The following CNTNAP5 variants were observed in gnomAD, a reference collection of about 807,000 sequenced individuals.
CNTNAP5 encodes the protein contactin-associated protein-like 5.
CNTNAP5 carries 72 observed loss-of-function variants against 150.2 expected under a neutral mutation model. That is an observed-to-expected ratio of 0.48 (90% CI 0.40 to 0.58). The LOEUF (loss-of-function observed/expected upper bound fraction) is 0.58, where lower values mean the gene tolerates loss of function less well. Ranked by LOEUF, CNTNAP5 falls within the 20% of genes least tolerant of loss-of-function variation. The pLI is 0.00. For missense variants in CNTNAP5, 1,636 were observed against 1,626.2 expected (o/e 1.01, Z -0.10); for synonymous variants, 672 against 619.8 (o/e 1.08, Z -1.25).
chr2:124,638,791 C>G (rs1678027194), intron 12 of CNTNAP5, among the ~76,000 whole-genome samples: 2 of 152,092 alleles, frequency 1.3e-5, no homozygotes, highest in South Asian at 4.1e-4. Flanking sequence ...GCATCAATAC[C>G]TTGATTTTGT....
chr2:124,613,672 C>G (rs1411377823), intron 12 of CNTNAP5, among the ~76,000 whole-genome samples: 1 of 152,236 alleles, frequency 6.6e-6, no homozygotes, highest in East Asian at 1.9e-4. Flanking sequence ...CGTTAGCTCC[C>G]CCTTCCTATA....
intron 1 of CNTNAP5, among the ~76,000 whole-genome samples, chr2:124,088,302 T>C (rs1682740823): frequency 1.3e-5 from 2 of 152,180 alleles, no homozygotes; most frequent in African/African-American, 4.8e-5. Context: ...ATCTTCTGTT[T>C]ATTTGCTGAT....
At chr2:124,578,538 G>A (rs937436887) in intron 11 of CNTNAP5, among the ~76,000 whole-genome samples, 1 of 152,096 alleles carries the variant, frequency 6.6e-6, no homozygotes, top group African/African-American at 2.4e-5. Flanking sequence ...TCAGAAGGCC[G>A]AGGCGGTGGA....
At chr2:124,133,045 A>T (rs889319643) in intron 1 of CNTNAP5, among the ~76,000 whole-genome samples, 2 of 152,214 alleles carry the variant, frequency 1.3e-5, no homozygotes, top group Non-Finnish European at 2.9e-5. Flanking sequence ...TCCATTGTAG[A>T]AGCCTGCCTG....
intron 9 of CNTNAP5, among the ~76,000 whole-genome samples, chr2:124,525,389 A>G (rs888442071): frequency 1.3e-5 from 2 of 152,216 alleles, no homozygotes; most frequent in Non-Finnish European, 2.9e-5. Context: ...AGAGTGTGCC[A>G]CATGGCAGGG....
intron 1 of CNTNAP5, among the ~76,000 whole-genome samples, chr2:124,110,501 T>A (rs1683270567): frequency 6.6e-6 from 1 of 152,206 alleles, no homozygotes; most frequent in Non-Finnish European, 1.5e-5. Context: ...TCAAAATTAA[T>A]AATAATTATT....
intron 3 of CNTNAP5, among the ~76,000 whole-genome samples, chr2:124,291,884 C>A (rs1357558775): frequency 2.0e-5 from 3 of 152,192 alleles, no homozygotes; most frequent in Non-Finnish European, 4.4e-5. Context: ...TTCTGTGCTG[C>A]TGTTTCTCCC....
chr2:124,702,499 TC>T (rs1280971544), intron 13 of CNTNAP5, among the ~76,000 whole-genome samples: 5 of 151,504 alleles, frequency 3.3e-5, no homozygotes, highest in Non-Finnish European at 5.9e-5. Flanking sequence ...GACATTGCTT[TC>T]CCCCTAAGAC....
At chr2:124,499,857 T>C (rs1694236819) in intron 7 of CNTNAP5, among the ~76,000 whole-genome samples, 1 of 151,988 alleles carries the variant, frequency 6.6e-6, no homozygotes, top group South Asian at 2.1e-4. Context: ...GAAAGAGAAA[T>C]AGATTTGAAA....
chr2:124,664,744 T>C (rs1341790434), intron 13 of CNTNAP5, among the ~76,000 whole-genome samples: 3 of 152,238 alleles, frequency 2.0e-5, no homozygotes, highest in Non-Finnish European at 1.5e-5. Flanking sequence ...TGGAGGACAA[T>C]GGCGCAATCT....
At chr2:124,047,726 G>A (rs1457200841) in intron 1 of CNTNAP5, among the ~76,000 whole-genome samples, 1 of 152,122 alleles carries the variant, frequency 6.6e-6, no homozygotes, top group African/African-American at 2.4e-5. Flanking sequence ...AATGGTTCAA[G>A]GTACAGACTC....
At chr2:124,345,949 A>G (rs1028700002) in intron 3 of CNTNAP5, among the ~76,000 whole-genome samples, 3 of 152,242 alleles carry the variant, frequency 2.0e-5, no homozygotes, top group African/African-American at 7.2e-5. Context: ...ATTACTTACC[A>G]TAAGACAAGT....
At chr2:124,712,938 G>T (rs1003106341) in intron 13 of CNTNAP5, among the ~76,000 whole-genome samples, 21 of 152,152 alleles carry the variant, frequency 1.4e-4, no homozygotes, top group African/African-American at 5.1e-4. Flanking sequence ...AAAGGGCACT[G>T]ATCCCATTAT....
intron 11 of CNTNAP5, among the ~76,000 whole-genome samples, chr2:124,572,123 C>T (rs2104940563): frequency 6.6e-6 from 1 of 152,274 alleles, no homozygotes; most frequent in Non-Finnish European, 1.5e-5. Flanking sequence ...GGATTTCATT[C>T]TCCTTCAGGA....
At chr2:124,853,789 T>C (rs1330485112) in intron 19 of CNTNAP5, among the ~76,000 whole-genome samples, 1 of 152,186 alleles carries the variant, frequency 6.6e-6, no homozygotes, top group Non-Finnish European at 1.5e-5. Flanking sequence ...AGTTGTTTTC[T>C]TGATCCTCTC....
At chr2:124,065,628 A>G (rs1277915491) in intron 1 of CNTNAP5, among the ~76,000 whole-genome samples, 1 of 152,168 alleles carries the variant, frequency 6.6e-6, no homozygotes, top group East Asian at 1.9e-4. Context: ...AGCAGCAGCT[A>G]TAATGTCCCC....
At chr2:124,444,493 G>A (rs1471565785) in intron 5 of CNTNAP5, among the ~76,000 whole-genome samples, 1 of 152,080 alleles carries the variant, frequency 6.6e-6, no homozygotes, top group East Asian at 1.9e-4. Flanking sequence ...TATTCTAGAG[G>A]CTGAGGCAGG....
intron 1 of CNTNAP5, among the ~76,000 whole-genome samples, chr2:124,047,172 G>A (rs116654493): frequency 1.4e-3 from 214 of 152,226 alleles, no homozygotes; most frequent in African/African-American, 4.9e-3. Context: ...ACATCTATTA[G>A]TGCCTTAATC....
Position 124,744,303 on chromosome 2 carries a change from G to A in CNTNAP5, c.2078-2926G>A, listed in dbSNP as rs148063005. ...GTTCTCTCTTATCCATGTAAGACAT[G>A]TCTTTTGCCTTCCACCATGACGGTG... On this transcript the variant is annotated intron_variant, in intron 13 of 23. Transcript: ENST00000682447. Among the ~76,000 whole-genome samples the A allele has an allele frequency of 4.8e-3, 735 of 152,246 alleles. 3 individuals carry two copies. The highest frequency in any genetic ancestry group is 6.5e-3 in the Non-Finnish European group (444 of 68,014).
Sources: gnomAD v4.1 joint callset for allele counts (sites outside exome capture counted in the v4.1 genomes callset) on GRCh38, gnomAD v4.1.1 for gene constraint, MANE v1.5 for transcripts, NCBI Gene and HGNC (gene_info 2026-07-23, HGNC 2026-07-21) for gene names.